Variants in IL1RAPL2 observed in about 807,000 individuals in gnomAD.
The protein encoded by IL1RAPL2 is interleukin 1 receptor accessory protein like 2, also known as X-linked interleukin-1 receptor accessory protein-like 2.
In IL1RAPL2, 3 loss-of-function variants were observed where a neutral mutation model predicts 44.1. The ratio of observed to expected loss-of-function variants is 0.07; its 90% CI spans 0.03 to 0.18. The LOEUF (loss-of-function observed/expected upper bound fraction) is 0.18, where lower values mean the gene tolerates loss of function less well. Among genes scored for constraint, IL1RAPL2 ranks in the 10% least tolerant of loss-of-function variants. The pLI is 1.00. For synonymous variants in IL1RAPL2, 181 were observed against 178.8 expected (o/e 1.01, Z -0.10); for missense variants, 391 against 496.4 (o/e 0.79, Z 2.02).
At chrX:105,720,867 A>G (rs757534155) in intron 7 of IL1RAPL2, among the ~76,000 whole-genome samples, 14 of 110,030 alleles carry the variant, frequency 1.3e-4, no homozygotes, top group African/African-American at 4.6e-4. Context: ...TAGAGTTCCT[A>G]TATACCCCAT....
chrX:104,951,695 A>G (rs970121054), intron 2 of IL1RAPL2, among the ~76,000 whole-genome samples: 20 of 112,340 alleles, frequency 1.8e-4, no homozygotes, highest in African/African-American at 6.1e-4. Flanking sequence ...CCATACCACA[A>G]TTTACTGTCT....
intron 2 of IL1RAPL2, among the ~76,000 whole-genome samples, chrX:104,671,397 CT>C (rs1426993674): frequency 1.8e-5 from 2 of 111,892 alleles, no homozygotes; most frequent in African/African-American, 6.5e-5. Context: ...ATGTGAATCA[CT>C]TCCCACCTTC....
At chrX:105,515,665 A>G in intron 6 of IL1RAPL2, among the ~76,000 whole-genome samples, 1 of 111,601 alleles carries the variant, frequency 9.0e-6, no homozygotes, top group Non-Finnish European at 1.9e-5. Flanking sequence ...GGCTCCTAAT[A>G]TTTGAATCAG....
chrX:105,101,937 C>CT lies in IL1RAPL2; in HGVS notation c.83-93532dup, dbSNP rs755206043. ...ATTTAGCTGAATGCAGGAAGCAGGG[C>CT]TTTTTTACGTTTGACTCTTCCATAC... On this transcript the variant is annotated intron_variant, in intron 2 of 10. Coordinates refer to ENST00000372582, the MANE Select transcript of IL1RAPL2 (RefSeq NM_017416.2). Among the ~76,000 whole-genome samples the CT allele has an allele frequency of 2.7e-5, 3 of 112,063 alleles. No homozygotes were observed. The East Asian group carries it at 8.4e-4, about 31-fold the overall frequency.
At chrX:104,790,282 A>G (rs185619400) in intron 2 of IL1RAPL2, among the ~76,000 whole-genome samples, 177 of 111,632 alleles carry the variant, frequency 1.6e-3, no homozygotes, top group Non-Finnish European at 2.8e-3. Context: ...GAGAGTCTCT[A>G]TTTGTGATAG....
At chrX:105,487,803 A>G (rs1222228231) in intron 6 of IL1RAPL2, among the ~76,000 whole-genome samples, 3 of 112,186 alleles carry the variant, frequency 2.7e-5, no homozygotes, top group African/African-American at 9.7e-5. Flanking sequence ...TGCAGTCAGA[A>G]TCATGAGGCA....
intron 2 of IL1RAPL2, among the ~76,000 whole-genome samples, chrX:104,910,281 G>T (rs922963869): frequency 1.8e-5 from 2 of 112,053 alleles, no homozygotes; most frequent in Non-Finnish European, 1.9e-5. Flanking sequence ...CGAACCCGGT[G>T]CCTAGGATGG....
At chrX:104,844,556 T>A (rs1450959083) in intron 2 of IL1RAPL2, among the ~76,000 whole-genome samples, 1 of 111,216 alleles carries the variant, frequency 9.0e-6, no homozygotes, top group Non-Finnish European at 1.9e-5. Context: ...AGGATTATCT[T>A]GGGCCACACA....
At chrX:104,691,297 C>T (rs960709485) in intron 2 of IL1RAPL2, among the ~76,000 whole-genome samples, 1 of 111,641 alleles carries the variant, frequency 9.0e-6, no homozygotes, top group Admixed American at 9.5e-5. Flanking sequence ...AGTTTTTCTT[C>T]TCTGTCATCC....
intron 3 of IL1RAPL2, among the ~76,000 whole-genome samples, chrX:105,224,526 G>A (rs1443478824): frequency 9.0e-6 from 1 of 111,436 alleles, no homozygotes; most frequent in Non-Finnish European, 1.9e-5. Context: ...AATAGATCAT[G>A]GAAGCATAGG....
At chrX:105,060,587 T>TTTTC (rs746846682) in intron 2 of IL1RAPL2, among the ~76,000 whole-genome samples, 1 of 94,676 alleles carries the variant, frequency 1.1e-5, no homozygotes, top group African/African-American at 4.3e-5. Context: ...TTCTTTTTCT[T>TTTTC]TTTTTTTTTT....
chrX:104,809,653 G>A (rs1417059628), intron 2 of IL1RAPL2, among the ~76,000 whole-genome samples: 5 of 109,209 alleles, frequency 4.6e-5, no homozygotes, highest in East Asian at 2.9e-4. Flanking sequence ...AGTAGGTTGC[G>A]AAAATTTTCT....
Position 105,363,310 on chromosome X carries a change from TATA to T in IL1RAPL2, c.697+95770_697+95772del, listed in dbSNP as rs1569429211. 1.5e-3 allele frequency among the ~76,000 whole-genome samples: 110 copies of T among 73,846 alleles called. 2 individuals are homozygous for T. Among genetic ancestry groups the T allele is most frequent in the African/African-American group, 6.6e-3 (105 of 15,939 alleles). The allele number at this position is 73,846 out of a possible 115,157, so 64.1% of individuals were successfully genotyped here. ...ATATAATATATATATATATATATAA[TATA>T]TATATATATATATATATTCTTCATT... On this transcript the variant is annotated intron_variant, in intron 5 of 10. Coordinates refer to ENST00000372582, the MANE Select transcript of IL1RAPL2 (RefSeq NM_017416.2).
intron 1 of IL1RAPL2, among the ~76,000 whole-genome samples, chrX:104,649,382 C>T (rs1380629852): frequency 4.5e-5 from 5 of 111,328 alleles, no homozygotes; most frequent in Non-Finnish European, 5.7e-5. Flanking sequence ...AGGTCCTTTC[C>T]AAATTTGAGT....
intron 5 of IL1RAPL2, among the ~76,000 whole-genome samples, chrX:105,279,519 C>T (rs1029788154): frequency 1.8e-5 from 2 of 111,455 alleles, no homozygotes; most frequent in Admixed American, 1.9e-4. Flanking sequence ...GTCGCTCTGT[C>T]ACCAGGCTGG....
rs1307990849 is a variant in IL1RAPL2, at chrX:105,483,057, A to G, written c.698-1256A>G. On this transcript the variant is annotated intron_variant, in intron 5 of 10. Coordinates refer to ENST00000372582, the MANE Select transcript of IL1RAPL2 (RefSeq NM_017416.2). ...TTTGTCCTCTCATTAAAAAAAAAAAAAAATTCCCCAAACTCCAACCTGGTG... is the reference window on the plus strand; with the variant it reads ...TTTGTCCTCTCATTAAAAAAAAAAAGAAATTCCCCAAACTCCAACCTGGTG... Among the ~76,000 whole-genome samples, 8 of 107,589 alleles carry G rather than the reference A, an allele frequency of 7.4e-5. No homozygotes were observed. The Admixed American group carries it at 8.1e-4, about 11-fold the overall frequency. The allele number at this position is 107,589 out of a possible 115,157, so 93.4% of individuals were successfully genotyped here. A position where few individuals can be genotyped will look rare whatever the true frequency, so the allele number is the denominator to read the frequency against.
At chrX:105,241,386 T>C (rs1385282243) in intron 4 of IL1RAPL2, among the ~76,000 whole-genome samples, 4 of 112,083 alleles carry the variant, frequency 3.6e-5, no homozygotes, top group Non-Finnish European at 7.5e-5. Flanking sequence ...CCAAACAATC[T>C]GTCTCTTGTC....
At chrX:105,359,559 G>A (rs2035232573) in intron 5 of IL1RAPL2, among the ~76,000 whole-genome samples, 1 of 110,564 alleles carries the variant, frequency 9.0e-6, no homozygotes, top group Non-Finnish European at 1.9e-5. Context: ...ATTAGAGCTG[G>A]CACTCAAATC....
chrX:104,841,018 G>A (rs931955387), intron 2 of IL1RAPL2, among the ~76,000 whole-genome samples: 1 of 110,997 alleles, frequency 9.0e-6, no homozygotes. Context: ...TTGTGTGAGA[G>A]TCTAAGTCTC....
Sources: allele counts gnomAD v4.1 joint callset (sites outside exome capture counted in the v4.1 genomes callset), GRCh38; gene constraint gnomAD v4.1.1; transcripts MANE v1.5; gene names NCBI Gene and HGNC (gene_info 2026-07-23, HGNC 2026-07-21).